Variants in TNFAIP2 observed in about 807,000 individuals in gnomAD.
TNFAIP2 encodes the protein tumor necrosis factor alpha-induced protein 2.
Under a neutral mutation model 63.5 loss-of-function variants are expected in TNFAIP2, and 47 were observed. That is an observed-to-expected ratio of 0.74 (90% CI 0.59 to 0.94). TNFAIP2 has a LOEUF of 0.94. Among genes scored for constraint, TNFAIP2 ranks in the 40% least tolerant of loss-of-function variants. TNFAIP2 has a pLI of 0.00. For synonymous variants in TNFAIP2, 405 were observed against 390.2 expected (o/e 1.04, Z -0.45); for missense variants, 787 against 850.2 (o/e 0.93, Z 0.92).
intron 8 of TNFAIP2, among the ~76,000 whole-genome samples, chr14:103,132,297 T>TG (rs959545242): frequency 7.9e-5 from 12 of 151,978 alleles, no homozygotes; most frequent in African/African-American, 2.2e-4. Flanking sequence ...GGGTGTAAAG[T>TG]GGGGGGTCTC....
intron 6 of TNFAIP2, 128 bp from the exon 7 acceptor site, chr14:103,130,924 C>T (rs2087959090): frequency 1.1e-6 from 1 of 902,976 alleles, no homozygotes; most frequent in African/African-American, 1.6e-5. Flanking sequence ...GGCTAGCGGC[C>T]CCTCCCTTGG....
At chr14:103,128,086 A>C (rs1415378133) in intron 3 of TNFAIP2, among the ~76,000 whole-genome samples, 1 of 152,134 alleles carries the variant, frequency 6.6e-6, no homozygotes, top group African/African-American at 2.4e-5. Context: ...GAGGAGGTGA[A>C]AGCCAGCGGT....
At chr14:103,123,167 C>A (rs1448983688), upstream of TNFAIP2, among the ~76,000 whole-genome samples, 1 of 152,130 alleles carries the variant, frequency 6.6e-6, no homozygotes, top group Non-Finnish European at 1.5e-5. Context: ...AATGGCTCCG[C>A]GCCTGACAAC....
chr14:103,131,183 G>GAGT lies in TNFAIP2; in HGVS notation c.1298+34_1298+36dup, dbSNP rs2087964914. The GAGT allele has an allele frequency of 6.2e-7, 1 of 1,608,822 alleles. No individual in the cohort carries two copies. The highest frequency in any genetic ancestry group is 1.3e-5 in the African/African-American group (1 of 74,824). ...TGTTGGGAGGGGCTTGCGGGAGTGG[G>GAGT]AGTCACTCAGCGGGCAGGAGAGGGG... is the stretch of plus-strand genomic sequence containing the variant. On this transcript the variant is annotated intron_variant, in intron 7 of 11. Coordinates refer to ENST00000560869, the MANE Select transcript of TNFAIP2 (RefSeq NM_006291.4). The surrounding 1 kb of genome is among the most constrained non-coding windows in gnomAD (Gnocchi z 4.0).
rs766805653 is a variant in TNFAIP2, at chr14:103,135,086, G to C, written c.1824-133G>C. 1 of 1,103,894 alleles carries C rather than the reference G, an allele frequency of 9.1e-7. No homozygotes were observed. Among genetic ancestry groups the C allele is most frequent in the Non-Finnish European group, 1.3e-6 (1 of 744,432 alleles). 68.4% of individuals were successfully genotyped at this position (1,103,894 alleles called of 1,614,324 possible). On this transcript the variant is annotated intron_variant, in intron 11 of 11. Coordinates refer to ENST00000560869, the MANE Select transcript of TNFAIP2 (RefSeq NM_006291.4). This position sits in a 1 kb window ranked among gnomAD's most constrained non-coding sequence, Gnocchi z 7.6. ...CCATCAGGTGGAGGGCATGGGTGAG[G>C]GAGAGTGAAGTGCAGCCCCCTCGTG...
In TNFAIP2 at chr14:103,127,432, C is replaced by T. The variant is rs2087882359; in HGVS notation, c.663C>T (p.Gly221=). 1.9e-6 allele frequency: 3 copies of T among 1,583,692 alleles called. No homozygotes were observed. Among genetic ancestry groups the T allele is most frequent in the African/African-American group, 1.3e-5 (1 of 74,730 alleles). ...EVPESVFLHL[G]RTMKEDLEAV... is the part of the protein sequence containing the mutation. ...CCGAGAGCGTCTTTCTGCACTTGGGCCGCACCATGAAGGAGGACCTGGAGG... is the reference window on the plus strand; with the variant it reads ...CCGAGAGCGTCTTTCTGCACTTGGGTCGCACCATGAAGGAGGACCTGGAGG... The change falls in exon 3 of 12, where the codon GGC becomes GGT. Residue 221 remains glycine (G), a synonymous_variant. Transcript: ENST00000560869. This position sits in a 1 kb window ranked among gnomAD's most constrained non-coding sequence, Gnocchi z 5.1.
Position 103,127,219 on chromosome 14 carries a change from G to A in TNFAIP2, c.450G>A (p.Arg150=). The A allele has an allele frequency of 9.1e-7, 1 of 1,098,446 alleles. No homozygotes were observed. The highest frequency in any genetic ancestry group is 1.1e-6 in the Non-Finnish European group (1 of 899,426). The allele number at this position is 1,098,446 out of a possible 1,614,324, so 68.0% of individuals were successfully genotyped here. ...LRRPLEAPPE[R]LRQALAVVAE... ...GGCCGCTGGAGGCGCCGCCCGAGCG[G>A]CTGCGCCAGGCGCTGGCCGTGGTGG... Residue 150 remains arginine (R), a synonymous_variant, in exon 3 of 12, where the codon CGG becomes CGA. Transcript: ENST00000560869. This position sits in a 1 kb window ranked among gnomAD's most constrained non-coding sequence, Gnocchi z 5.1.
intron 1 of TNFAIP2, among the ~76,000 whole-genome samples, chr14:103,126,045 G>C (rs1335615201): frequency 2.0e-5 from 3 of 152,220 alleles, no homozygotes; most frequent in Admixed American, 2.0e-4. Context: ...CCCCCTCTGT[G>C]TGGCGGGCTT....
intron 6 of TNFAIP2, among the ~76,000 whole-genome samples, chr14:103,130,732 C>T (rs973006153): frequency 5.3e-5 from 8 of 152,218 alleles, no homozygotes; most frequent in Admixed American, 4.6e-4. Context: ...CTCCTAGTCT[C>T]CACCACCTGA....
intron 2 of TNFAIP2, 102 bp downstream of exon 2, chr14:103,126,794 G>A: frequency 7.3e-7 from 1 of 1,365,508 alleles, no homozygotes; most frequent in Non-Finnish European, 9.8e-7. Flanking sequence ...AAGTGGGGCT[G>A]GAAGGCGCGT....
At chr14:103,132,972 ACG>A (rs2088009931) in intron 9 of TNFAIP2, 100 bp downstream of exon 9, 4 of 1,533,074 alleles carry the variant, frequency 2.6e-6, no homozygotes, top group Middle Eastern at 1.9e-4. Context: ...ATGTGCTCAC[ACG>A]CGCACATGTG....
Position 103,136,137 on chromosome 14 carries a change from G to A in TNFAIP2, c.*777G>A. 1 of 865,364 alleles carries A rather than the reference G, an allele frequency of 1.2e-6. No individual in the cohort carries two copies. Among genetic ancestry groups the A allele is most frequent in the Non-Finnish European group, 1.5e-6 (1 of 646,790 alleles). 53.6% of individuals were successfully genotyped at this position (865,364 alleles called of 1,614,324 possible). A position where few individuals can be genotyped will look rare whatever the true frequency, so the allele number is the denominator to read the frequency against. ...TCCCCAAGGCAGGGACAGGCCCTGG[G>A]GGTGCCACCGTGGGCCCTGCCACCC... On this transcript the variant is annotated 3_prime_UTR_variant, in exon 12 of 12. Coordinates refer to ENST00000560869, the MANE Select transcript of TNFAIP2 (RefSeq NM_006291.4).
chr14:103,130,293 C>T (rs1394490001), intron 5 of TNFAIP2, 22 bp from the exon 6 acceptor site: 3 of 1,545,960 alleles, frequency 1.9e-6, no homozygotes, highest in Non-Finnish European at 2.6e-6. Context: ...CCCTGCTCAG[C>T]TCACCCACCA....
intron 3 of TNFAIP2, among the ~76,000 whole-genome samples, chr14:103,128,175 G>C (rs1274647284): frequency 1.3e-5 from 2 of 152,194 alleles, no homozygotes; most frequent in East Asian, 3.9e-4. Context: ...TGAGAGGAAG[G>C]TCGGTGCTCC....
intron 1 of TNFAIP2, among the ~76,000 whole-genome samples, chr14:103,125,151 C>T (rs1300742028): frequency 6.6e-6 from 1 of 152,248 alleles, no homozygotes; most frequent in African/African-American, 2.4e-5. Context: ...ATACATGAGA[C>T]AAGGCTGCAT....
rs1291372745 is a variant in TNFAIP2, at chr14:103,131,471, G to A, written c.1299-168G>A. ...GCCCCCAGTTACAAGGGGATGTAGT[G>A]GAGGAGTGTCCTGAGGGCATGGAGA... On this transcript the variant is annotated intron_variant, in intron 7 of 11. Transcript: ENST00000560869. The surrounding 1 kb of genome is among the most constrained non-coding windows in gnomAD (Gnocchi z 4.0). Among the ~76,000 whole-genome samples, 1 of 152,122 alleles carries A rather than the reference G, an allele frequency of 6.6e-6. No homozygotes were observed. Among genetic ancestry groups the A allele is most frequent in the African/African-American group, 2.4e-5 (1 of 41,416 alleles).
At position 103,127,090 on chromosome 14, in the gene TNFAIP2, G is replaced by A. The variant is rs1455724381; in HGVS notation, c.321G>A (p.Ala107=). The A allele has an allele frequency of 2.7e-6, 3 of 1,104,604 alleles. No individual in the cohort carries two copies. The highest frequency in any genetic ancestry group is 3.8e-5 in the South Asian group (1 of 26,590). The allele number at this position is 1,104,604 out of a possible 1,614,324, so 68.4% of individuals were successfully genotyped here. ...LLALERELAA[A]AAAGGVSEEE... ...CGCTGGAGCGGGAGCTGGCGGCGGC[G>A]GCGGCGGCGGGCGGTGTGAGCGAGG... is the stretch of plus-strand genomic sequence containing the variant. The change falls in exon 3 of 12, where the codon GCG becomes GCA. Residue 107 remains alanine (A), a synonymous_variant. Coordinates refer to ENST00000560869, the MANE Select transcript of TNFAIP2 (RefSeq NM_006291.4). The surrounding 1 kb of genome is among the most constrained non-coding windows in gnomAD (Gnocchi z 5.1).
chr14:103,127,540 C>G lies in TNFAIP2; in HGVS notation c.771C>G (p.Phe257Leu). ...ACGCCGAGAGCTACCACCAGCACTT[C>G]GCGGCCCACCTGGCCGCCGTGGCGC... Reference protein sequence around the residue: ...AAYAESYHQHFAAHLAAVAQF... With the variant: ...AAYAESYHQHLAAHLAAVAQF... The change falls in exon 3 of 12, where the codon TTC becomes TTG. Residue 257 changes from phenylalanine to leucine, a missense_variant. Coordinates refer to ENST00000560869, the MANE Select transcript of TNFAIP2 (RefSeq NM_006291.4). The surrounding 1 kb of genome is among the most constrained non-coding windows in gnomAD (Gnocchi z 5.1). The G allele has an allele frequency of 6.3e-7, 1 of 1,587,008 alleles. No individual in the cohort carries two copies. The highest frequency in any genetic ancestry group is 8.5e-7 in the Non-Finnish European group (1 of 1,173,654).
At chr14:103,133,216 G>T in intron 9 of TNFAIP2, 146 bp from the exon 10 acceptor site, 1 of 1,031,690 alleles carries the variant, frequency 9.7e-7, no homozygotes, top group South Asian at 1.7e-5. Context: ...GCATGTGAAC[G>T]CACACATGTG....
Sources: allele counts gnomAD v4.1 joint callset (sites outside exome capture counted in the v4.1 genomes callset), GRCh38; gene constraint gnomAD v4.1.1; non-coding constraint Gnocchi (gnomAD v3.1); transcripts MANE v1.5; gene names NCBI Gene and HGNC (gene_info 2026-07-23, HGNC 2026-07-21).